Variants in SLC14A2 observed in about 807,000 individuals in gnomAD.
SLC14A2 encodes solute carrier family 14 member 2.
A neutral mutation model predicts 104.6 loss-of-function variants in SLC14A2; 91 were observed. The ratio of observed to expected loss-of-function variants is 0.87; its 90% CI spans 0.73 to 1.04. The LOEUF (loss-of-function observed/expected upper bound fraction) is 1.04, where lower values mean the gene tolerates loss of function less well. SLC14A2 is among the 50% of genes least tolerant of loss of function. The pLI is 0.00. For missense variants in SLC14A2, 1,189 were observed against 1,156.0 expected, an observed-to-expected ratio of 1.03 and a Z score of -0.41; for synonymous variants, 476 against 466.4, an observed-to-expected ratio of 1.02 and a Z score of -0.27.
intron 1 of SLC14A2, among the ~76,000 whole-genome samples, chr18:45,284,393 T>C (rs1441528479): frequency 6.6e-6 from 1 of 152,084 alleles, no homozygotes; most frequent in Non-Finnish European, 1.5e-5. Flanking sequence ...AAGGAGGAAG[T>C]AGTATGTTTC....
intron 2 of SLC14A2, among the ~76,000 whole-genome samples, chr18:45,513,609 A>G (rs2043397038): frequency 6.6e-6 from 1 of 152,208 alleles, no homozygotes; most frequent in African/African-American, 2.4e-5. Flanking sequence ...TAAAGGTTGA[A>G]GGGTAAGAGT....
At chr18:45,222,269 A>G (rs563981392) in intron 1 of SLC14A2, among the ~76,000 whole-genome samples, 5 of 152,348 alleles carry the variant, frequency 3.3e-5, no homozygotes, top group Middle Eastern at 3.4e-3. Context: ...CAAAAAAAGT[A>G]TAAGTATGTT....
chr18:45,625,962 C>A, intron 3 of SLC14A2, 99 bp downstream of exon 3: 2 of 941,104 alleles, frequency 2.1e-6, no homozygotes, highest in Non-Finnish European at 2.9e-6. Context: ...ACTCATTCAC[C>A]CTCACCCTGG....
intron 1 of SLC14A2, among the ~76,000 whole-genome samples, chr18:45,414,322 C>T (rs1310298063): frequency 6.6e-6 from 1 of 152,204 alleles, no homozygotes; most frequent in Non-Finnish European, 1.5e-5. Flanking sequence ...GGGTGATTCT[C>T]AGCTGGGAAG....
At chr18:45,387,392 C>G (rs561999895) in intron 1 of SLC14A2, among the ~76,000 whole-genome samples, 1 of 152,130 alleles carries the variant, frequency 6.6e-6, no homozygotes, top group Non-Finnish European at 1.5e-5. Context: ...CATGTCACTC[C>G]CACAAGTAAG....
At chr18:45,500,298 C>T (rs978014925) in intron 2 of SLC14A2, among the ~76,000 whole-genome samples, 4 of 152,306 alleles carry the variant, frequency 2.6e-5, no homozygotes, top group African/African-American at 9.6e-5. Flanking sequence ...TGCCCTTAGG[C>T]CGGGCGCGGT....
intron 2 of SLC14A2, among the ~76,000 whole-genome samples, chr18:45,597,288 C>T (rs1490815892): frequency 6.6e-6 from 1 of 151,830 alleles, no homozygotes; most frequent in African/African-American, 2.4e-5. Flanking sequence ...GATTCTGCTA[C>T]TGCACTCCAG....
At chr18:45,488,954 C>A (rs1173134182) in intron 2 of SLC14A2, among the ~76,000 whole-genome samples, 3 of 152,196 alleles carry the variant, frequency 2.0e-5, no homozygotes, top group Admixed American at 6.5e-5. Context: ...TCCACTTTTC[C>A]ACACATCCAG....
chr18:45,461,370 G>A (rs1201008617), intron 1 of SLC14A2, among the ~76,000 whole-genome samples: 2 of 152,130 alleles, frequency 1.3e-5, no homozygotes, highest in Admixed American at 1.3e-4. Flanking sequence ...TAGGTTGGGT[G>A]TAATTGAGCA....
rs1248479726 is a variant in SLC14A2, at chr18:45,285,673, C to CGG, written c.-125+72482_-125+72483insGG. 8.3e-3 allele frequency among the ~76,000 whole-genome samples: 1,207 copies of CGG among 145,120 alleles called. 20 individuals carry two copies. Among genetic ancestry groups the CGG allele is most frequent in the African/African-American group, 0.028 (1,140 of 40,514 alleles). On this transcript the variant is annotated intron_variant, in intron 1 of 20. Transcript: ENST00000586448. Reference sequence around the variant, plus strand: ...CCTCAGGTGATCTGCCCCCCCCCCCCCTCGGCCTCCCAAAGTGCTGGGATT... The same window carrying CGG: ...CCTCAGGTGATCTGCCCCCCCCCCCCGGCTCGGCCTCCCAAAGTGCTGGGATT...
intron 1 of SLC14A2, among the ~76,000 whole-genome samples, chr18:45,214,937 A>G (rs1234398792): frequency 7.1e-6 from 1 of 141,122 alleles, no homozygotes; most frequent in Non-Finnish European, 1.6e-5. Flanking sequence ...AAAAAAAAAG[A>G]AAAGAAATAA....
chr18:45,492,459 C>T (rs1727750123), intron 2 of SLC14A2, among the ~76,000 whole-genome samples: 1 of 152,062 alleles, frequency 6.6e-6, no homozygotes, highest in South Asian at 2.1e-4. Flanking sequence ...TGTGTAAGTG[C>T]AGGGAAAACT....
At chr18:45,412,202 G>T (rs975790505) in intron 1 of SLC14A2, among the ~76,000 whole-genome samples, 1 of 152,206 alleles carries the variant, frequency 6.6e-6, no homozygotes, top group Admixed American at 6.5e-5. Flanking sequence ...TATTCATGGG[G>T]TGACAGCTTT....
chr18:45,252,463 T>C (rs11660284), intron 1 of SLC14A2, among the ~76,000 whole-genome samples: 11,820 of 152,252 alleles, frequency 0.078, 518 homozygotes, highest in African/African-American at 0.093. Context: ...AAAGAACATA[T>C]TAACAAAAAG....
chr18:45,651,735 AGAG>A (rs2045741227), intron 10 of SLC14A2, among the ~76,000 whole-genome samples: 1 of 152,164 alleles, frequency 6.6e-6, no homozygotes, highest in African/African-American at 2.4e-5. Flanking sequence ...GGAGGAATAA[AGAG>A]GAGTTATCGC....
At chr18:45,578,837 T>TA (rs2044450689) in intron 2 of SLC14A2, among the ~76,000 whole-genome samples, 1 of 152,238 alleles carries the variant, frequency 6.6e-6, no homozygotes, top group African/African-American at 2.4e-5. Flanking sequence ...CATGTTGGCT[T>TA]AAAACTACAA....
upstream of SLC14A2, among the ~76,000 whole-genome samples, chr18:45,613,110 C>T (rs533440765): frequency 1.2e-4 from 18 of 152,306 alleles, no homozygotes; most frequent in African/African-American, 3.6e-4. Context: ...TCTCGGCTCA[C>T]TGCAAGCTCC....
intron 1 of SLC14A2, among the ~76,000 whole-genome samples, chr18:45,374,051 A>T (rs997312971): frequency 5.9e-5 from 9 of 152,108 alleles, no homozygotes; most frequent in African/African-American, 2.2e-4. Flanking sequence ...CAACCTCAAG[A>T]CCTTCTCATT....
At chr18:45,179,333 C>T in the SLC14A2 span, among the ~76,000 whole-genome samples, 14 of 152,290 alleles carry the variant, frequency 9.2e-5, no homozygotes, top group Middle Eastern at 3.4e-3. Flanking sequence ...TCCCTCTCTC[C>T]CATCAGCCCA....
Sources: allele counts gnomAD v4.1 joint callset (sites outside exome capture counted in the v4.1 genomes callset), GRCh38; gene constraint gnomAD v4.1.1; transcripts MANE v1.5; gene names NCBI Gene and HGNC (gene_info 2026-07-23, HGNC 2026-07-21).